SCARF1: variants seen among roughly 807,000 people sequenced by gnomAD.
SCARF1 encodes scavenger receptor class F member 1.
SCARF1 carries 49 observed loss-of-function variants against 76.3 expected under a neutral mutation model. The ratio of observed to expected loss-of-function variants is 0.64; its 90% confidence interval spans 0.51 to 0.81. The LOEUF (loss-of-function observed/expected upper bound fraction) is 0.81. Ranked by LOEUF, SCARF1 falls within the 40% of genes least tolerant of loss-of-function variation. The pLI, the probability that SCARF1 is intolerant of heterozygous loss-of-function variation, is 0.00. For synonymous variants in SCARF1, 495 were observed against 474.6 expected (o/e 1.04, Z -0.56); for missense variants, 1,098 against 1,143.9 (o/e 0.96, Z 0.58).
chr17:1,638,716 A>C, intron 8 of SCARF1, 90 bp downstream of exon 8: 2 of 1,199,772 alleles, frequency 1.7e-6, no homozygotes, highest in African/African-American at 1.7e-5. Context: ...CAACAAGGCC[A>C]GCCCTCCCCA....
chr17:1,634,387 T>G lies in SCARF1; in HGVS notation c.*371A>C. 3.2e-6 allele frequency: 1 copy of G among 313,830 alleles called. No homozygotes were observed. 19.4% of individuals were successfully genotyped at this position (313,830 alleles called of 1,614,324 possible). On this transcript the variant is annotated 3_prime_UTR_variant, in exon 11 of 11. Transcript: ENST00000263071. The stretch of plus-strand genomic sequence containing the variant: ...CTGGGGGACAGAGGGAGATTCTGTC[T>G]CAAAAAAAAAAAAAAAAATTTGTTT...
Position 1,634,395 on chromosome 17 carries a change from A to G in SCARF1, c.*363T>C. 1 of 390,332 alleles carries G rather than the reference A, an allele frequency of 2.6e-6. No homozygotes were observed. The allele number at this position is 390,332 out of a possible 1,614,324, so 24.2% of individuals were successfully genotyped here. ...CAGAGGGAGATTCTGTCTCAAAAAA[A>G]AAAAAAAAAATTTGTTTAGCCAATC... On this transcript the variant is annotated 3_prime_UTR_variant, in exon 11 of 11. Coordinates refer to ENST00000263071, the MANE Select transcript of SCARF1 (RefSeq NM_003693.4).
Position 1,639,919 on chromosome 17 carries a change from C to G in SCARF1, c.1132G>C (p.Gly378Arg). Residue 378 changes from glycine (G) to arginine (R), a missense_variant, in exon 6 of 11, where the codon GGG (glycine) becomes CGG (arginine). Transcript: ENST00000263071. Reference protein sequence around the residue: ...GDCVCSAGYWGPSCNASCPAG... With the variant: ...GDCVCSAGYWRPSCNASCPAG... ...CGGGATCCCCATCCTTACCTGGGCC[C>G]CCAGTAGCCGGCACTGCAGACACAG... The G allele has an allele frequency of 6.2e-7, 1 of 1,613,584 alleles. No homozygotes were observed. The highest frequency in any genetic ancestry group is 2.2e-5 in the East Asian group (1 of 44,886).
Position 1,640,469 on chromosome 17 carries a change from T to G in SCARF1, c.989A>C (p.Asp330Ala), listed in dbSNP as rs1219421576. The change falls in exon 5 of 11, where the codon GAC becomes GCC. Residue 330 changes from aspartate (D) to alanine (A), a missense_variant. Asp to Ala is a moderately radical substitution (Grantham distance 126). Transcript: ENST00000263071. The surrounding 1 kb of genome is among the most constrained non-coding windows in gnomAD (Gnocchi z 4.7). The part of the protein sequence containing the change: ...EPDTGHCQRC[D>A]PGWLGPRCED... ...TCACCTGGGCCCCAGCCAGCCAGGGTCACAGCGCTGACAGTGGCCAGTATC... is the reference window on the plus strand; with the variant it reads ...TCACCTGGGCCCCAGCCAGCCAGGGGCACAGCGCTGACAGTGGCCAGTATC... The G allele has an allele frequency of 6.4e-7, 1 of 1,562,196 alleles. No homozygotes were observed. Among genetic ancestry groups the G allele is most frequent in the Non-Finnish European group, 8.7e-7 (1 of 1,153,456 alleles).
chr17:1,639,578 G>T (rs75316997), intron 7 of SCARF1, 61 bp downstream of exon 7: 1 of 1,162,006 alleles, frequency 8.6e-7, no homozygotes, highest in Non-Finnish European at 1.3e-6. Context: ...TTGCCCTGGA[G>T]CCCATGTGAA....
In SCARF1 at chr17:1,640,764, G is replaced by GGA; in HGVS notation, c.792-100_792-99dup. On this transcript the variant is annotated intron_variant, in intron 4 of 10. Transcript: ENST00000263071. This position sits in a 1 kb window ranked among gnomAD's most constrained non-coding sequence, Gnocchi z 4.7. ...CTCCACGCAGGCCTTCGGGGGCCCT[G>GGA]GAGAGTGTTCGGGTCCCACCTGGGT... 1 of 1,194,806 alleles carries GGA rather than the reference G, an allele frequency of 8.4e-7. No homozygotes were observed. Among genetic ancestry groups the GGA allele is most frequent in the Non-Finnish European group, 1.2e-6 (1 of 832,130 alleles). 74.0% of individuals were successfully genotyped at this position (1,194,806 alleles called of 1,614,324 possible).
In SCARF1 at chr17:1,640,498, C is replaced by T; in HGVS notation, c.960G>A (p.Glu320=). 1.3e-6 allele frequency: 2 copies of T among 1,581,762 alleles called. No homozygotes were observed. The highest frequency in any genetic ancestry group is 1.7e-6 in the Non-Finnish European group (2 of 1,163,404). Residue 320 remains glutamate, a synonymous_variant, in exon 5 of 11, where the codon GAG becomes GAA. Transcript: ENST00000263071. The surrounding 1 kb of genome is among the most constrained non-coding windows in gnomAD (Gnocchi z 4.7). ...CPHCRHGEAC[E]PDTGHCQRCD... is the part of the protein sequence containing the mutation. ...AGCGCTGACAGTGGCCAGTATCTGG[C>T]TCACAGGCCTCCCCATGTCGGCAGT...
chr17:1,637,870 C>T (rs1424031524), intron 8 of SCARF1, among the ~76,000 whole-genome samples: 1 of 152,194 alleles, frequency 6.6e-6, no homozygotes, highest in African/African-American at 2.4e-5. Flanking sequence ...TTCACTGTTC[C>T]TCCAACAGCC....
chr17:1,636,760 C>T lies in SCARF1; in HGVS notation c.1582G>A (p.Glu528Lys). Residue 528 changes from glutamate to lysine, a missense_variant, in exon 10 of 11, where the codon GAG becomes AAG. Glu to Lys is a moderately conservative substitution (Grantham distance 56). Transcript: ENST00000263071. ...ATDDSFSSDPESGEADEVPAY... is the reference protein window; with the variant it reads ...ATDDSFSSDPKSGEADEVPAY... ...GGAACCTCATCTGCCTCTCCAGACT[C>T]AGGATCGGATGAGAAGGAGTCATCA... is the stretch of plus-strand genomic sequence containing the variant. The T allele has an allele frequency of 6.2e-7, 1 of 1,614,100 alleles. No individual in the cohort carries two copies. The highest frequency in any genetic ancestry group is 8.5e-7 in the Non-Finnish European group (1 of 1,180,018).
rs1567659153 is a variant in SCARF1 at position 1,633,987 on chromosome 17, C to T, written c.*771G>A. 6.6e-6 allele frequency: 1 copy of T among 152,076 alleles called. No individual in the cohort carries two copies. Among genetic ancestry groups the T allele is most frequent in the Non-Finnish European group, 1.5e-5 (1 of 68,016 alleles). The allele number at this position is 152,076 out of a possible 1,614,324, so 9.4% of individuals were successfully genotyped here. A position where few individuals can be genotyped will look rare whatever the true frequency, so the allele number is the denominator to read the frequency against. The stretch of plus-strand genomic sequence containing the variant: ...CACTGTAGAAAATTTGCAAACTATA[C>T]AAAAGTTTCAGAAGAAAATAAATAT... On this transcript the variant is annotated 3_prime_UTR_variant, in exon 11 of 11. Coordinates refer to ENST00000263071, the MANE Select transcript of SCARF1 (RefSeq NM_003693.4).
In SCARF1 at chr17:1,638,933, G is replaced by T. The variant is rs1223748591; in HGVS notation, c.1244-7C>A. On this transcript the variant is annotated splice_region_variant and splice_polypyrimidine_tract_variant and intron_variant, in intron 7 of 10. Transcript: ENST00000263071. ...GTGTCCCGACTGCCAGAGCCTGGGG[G>T]AGCCAGAAACGGGGGATATTCAGGC... is the stretch of plus-strand genomic sequence containing the variant. 3.8e-6 allele frequency: 6 copies of T among 1,580,862 alleles called. No homozygotes were observed. Among genetic ancestry groups the T allele is most frequent in the Non-Finnish European group, 5.2e-6 (6 of 1,159,612 alleles).
At chr17:1,638,406 T>G in intron 8 of SCARF1, 1 of 159,600 alleles carries the variant, frequency 6.3e-6, no homozygotes, top group Non-Finnish European at 1.4e-5. Flanking sequence ...GCTCCTTCCG[T>G]GGTCCCAGCC....
intron 4 of SCARF1, among the ~76,000 whole-genome samples, chr17:1,642,169 T>A (rs879379393): frequency 2.8e-4 from 43 of 150,980 alleles, no homozygotes; most frequent in Admixed American, 1.1e-3. Flanking sequence ...TTTCTTTTTT[T>A]AAATATATTT....
chr17:1,645,289 C>T lies in SCARF1; in HGVS notation c.102-50G>A, dbSNP rs1270062870. The T allele has an allele frequency of 6.2e-7, 1 of 1,601,130 alleles. No individual in the cohort carries two copies. ...GGACATGGTGGGGGGTGCAGCCTGG[C>T]CCTGAGGAAGGTGGATCACTGTCTC... On this transcript the variant is annotated intron_variant, in intron 1 of 10. Coordinates refer to ENST00000263071, the MANE Select transcript of SCARF1 (RefSeq NM_003693.4). This position sits in a 1 kb window ranked among gnomAD's most constrained non-coding sequence, Gnocchi z 6.3.
Position 1,634,803 on chromosome 17 carries a change from A to G in SCARF1, c.2448T>C (p.Pro816=), listed in dbSNP as rs1375695547. The G allele has an allele frequency of 6.2e-7, 1 of 1,610,680 alleles. No individual in the cohort carries two copies. The highest frequency in any genetic ancestry group is 8.5e-7 in the Non-Finnish European group (1 of 1,178,490). Residue 816 remains proline, a synonymous_variant, in exon 11 of 11, where the codon CCT becomes CCC. Transcript: ENST00000263071. ...KQAEEERQEE[P]EYENVVPISR... Reference sequence around the variant, plus strand: ...AGATGGGTACAACATTCTCATACTCAGGTTCCTCCTGCCTTTCCTCTTCAG... The same window carrying G: ...AGATGGGTACAACATTCTCATACTCGGGTTCCTCCTGCCTTTCCTCTTCAG...
In SCARF1 at chr17:1,645,271, GT is replaced by G. The variant is rs756033467; in HGVS notation, c.102-33del. The G allele has an allele frequency of 7.0e-5, 112 of 1,610,156 alleles. No individual in the cohort carries two copies. The highest frequency in any genetic ancestry group is 9.4e-5 in the Non-Finnish European group (111 of 1,179,092). ...GGCAAAAAGGGGTCAGCCGGACATG[GT>G]GGGGGGTGCAGCCTGGCCCTGAGGA... On this transcript the variant is annotated intron_variant, in intron 1 of 10. Transcript: ENST00000263071. This position sits in a 1 kb window ranked among gnomAD's most constrained non-coding sequence, Gnocchi z 6.3.
chr17:1,635,696 C>T (rs1402051098), intron 10 of SCARF1, 79 bp from the exon 11 acceptor site: 1 of 1,468,382 alleles, frequency 6.8e-7, no homozygotes, highest in Non-Finnish European at 9.0e-7. Flanking sequence ...CAGCATCTTC[C>T]AGGAGGCCTC....
At chr17:1,638,609 G>A (rs1909771744) in intron 8 of SCARF1, 197 bp downstream of exon 8, 1 of 547,144 alleles carries the variant, frequency 1.8e-6, no homozygotes, top group South Asian at 4.4e-5. Flanking sequence ...TGACCTACGT[G>A]GGCGACAAGG....
In SCARF1 at chr17:1,634,048, T is replaced by G. The variant is rs1333478226; in HGVS notation, c.*710A>C. 1 of 152,168 alleles carries G rather than the reference T, an allele frequency of 6.6e-6. No homozygotes were observed. The highest frequency in any genetic ancestry group is 2.4e-5 in the African/African-American group (1 of 41,434). The allele number at this position is 152,168 out of a possible 1,614,324, so 9.4% of individuals were successfully genotyped here. On this transcript the variant is annotated 3_prime_UTR_variant, in exon 11 of 11. Transcript: ENST00000263071. ...CTCATCTTCCAGAGGAAAAAACCAT[T>G]TAGTGCCTTTCCCTTGAATCTGTTT... is the stretch of plus-strand genomic sequence containing the variant.
Sources: allele counts gnomAD v4.1 joint callset (sites outside exome capture counted in the v4.1 genomes callset), GRCh38; gene constraint gnomAD v4.1.1; non-coding constraint Gnocchi (gnomAD v3.1); transcripts MANE v1.5; gene names NCBI Gene and HGNC (gene_info 2026-07-23, HGNC 2026-07-21).